The following DLG2 variants were observed in gnomAD, a reference collection of about 807,000 sequenced individuals.
The protein encoded by DLG2 is discs large MAGUK scaffold protein 2, also known as disks large homolog 2.
Under a neutral mutation model 132.5 loss-of-function variants are expected in DLG2, and 45 were observed. The observed-to-expected ratio is 0.34, with a 90% CI of 0.27 to 0.44. DLG2 has a LOEUF of 0.44. DLG2 is among the 20% of genes least tolerant of loss of function. The probability of loss-of-function intolerance (pLI) is 1.00; values close to 1 mark genes in which losing one functional copy is unlikely to be tolerated. For synonymous variants in DLG2, 424 were observed against 419.6 expected (o/e 1.01, Z -0.13); for missense variants, 1,045 against 1,196.9 (o/e 0.87, Z 1.87).
intron 6 of DLG2, among the ~76,000 whole-genome samples, chr11:84,869,920 C>T (rs183259779): frequency 3.9e-5 from 6 of 152,262 alleles, no homozygotes; most frequent in Admixed American, 6.5e-5. Flanking sequence ...TATTCCCTTC[C>T]GTTTGGCAGA....
chr11:84,062,667 C>T (rs1029434130), intron 10 of DLG2, among the ~76,000 whole-genome samples: 1 of 151,884 alleles, frequency 6.6e-6, no homozygotes, highest in South Asian at 2.1e-4. Context: ...ATAATTTCAA[C>T]CTGTTTTTAC....
At chr11:83,740,994 T>C (rs1298757972) in intron 18 of DLG2, among the ~76,000 whole-genome samples, 2 of 152,252 alleles carry the variant, frequency 1.3e-5, no homozygotes, top group Admixed American at 1.3e-4. Context: ...GCAAGTTTGG[T>C]TCAACATACC....
chr11:85,509,917 TA>T (rs1286874926), intron 3 of DLG2: 6 of 151,956 alleles, frequency 3.9e-5, no homozygotes, highest in African/African-American at 1.2e-4. Context: ...TGCTGAGATC[TA>T]AAAGACAAAG....
Position 84,287,771 on chromosome 11 carries a change from C to CAT in DLG2, c.520-36481_520-36480insAT, listed in dbSNP as rs2097926236. On this transcript the variant is annotated intron_variant, in intron 7 of 27. Transcript: ENST00000376104. ...ACACACACACACACACACACACACA[C>CAT]ACACACACAAATACTTTATTCGTCT... Among the ~76,000 whole-genome samples, 3 of 150,946 alleles carry CAT rather than the reference C, an allele frequency of 2.0e-5. No individual in the cohort carries two copies. The South Asian group carries it at 6.3e-4, about 32-fold the overall frequency.
At chr11:84,559,513 T>C (rs2099418886) in intron 6 of DLG2, among the ~76,000 whole-genome samples, 1 of 152,162 alleles carries the variant, frequency 6.6e-6, no homozygotes, top group Non-Finnish European at 1.5e-5. Flanking sequence ...AATATTTTTT[T>C]CAGCAAACAT....
chr11:83,585,377 C>T (rs531113296), intron 19 of DLG2, among the ~76,000 whole-genome samples: 1 of 152,232 alleles, frequency 6.6e-6, no homozygotes, highest in East Asian at 1.9e-4. Context: ...CTACTTTTGG[C>T]CCGTTTATAA....
chr11:83,783,612 A>G (rs2094924014), intron 18 of DLG2, among the ~76,000 whole-genome samples: 1 of 152,140 alleles, frequency 6.6e-6, no homozygotes, highest in South Asian at 2.1e-4. Flanking sequence ...CTCTTTAAGA[A>G]ATACCAAGTA....
intron 6 of DLG2, among the ~76,000 whole-genome samples, chr11:84,791,518 G>C (rs938473354): frequency 2.6e-5 from 4 of 152,128 alleles, no homozygotes; most frequent in African/African-American, 9.7e-5. Context: ...TGAATCTGTA[G>C]ATTGCTTTGG....
rs773745466 is a variant in DLG2 at position 84,924,087 on chromosome 11, A to G, written c.357+187574T>C. ...GAGAAAAATAAAAGCTTCTGCCCCT[A>G]TAAGTCCGTAAGGAAAAAAAAAAAT... On this transcript the variant is annotated intron_variant, in intron 6 of 27. Transcript: ENST00000376104. Among the ~76,000 whole-genome samples, 16 of 152,058 alleles carry G rather than the reference A, an allele frequency of 1.1e-4. No homozygotes were observed. The East Asian group carries it at 1.2e-3, about 11-fold the overall frequency.
intron 6 of DLG2, among the ~76,000 whole-genome samples, chr11:84,752,675 G>A (rs1198549683): frequency 4.2e-5 from 6 of 143,112 alleles, no homozygotes; most frequent in South Asian, 2.3e-4. Context: ...CCACTAACGC[G>A]TCATCTAGCA....
At chr11:84,502,505 C>T (rs959146628) in intron 7 of DLG2, among the ~76,000 whole-genome samples, 9 of 150,230 alleles carry the variant, frequency 6.0e-5, no homozygotes, top group Admixed American at 2.0e-4. Context: ...AAGCGATTCT[C>T]GTTATTCAGC....
intron 6 of DLG2, among the ~76,000 whole-genome samples, chr11:84,646,257 T>C (rs1001744626): frequency 2.0e-5 from 3 of 152,156 alleles, no homozygotes; most frequent in Non-Finnish European, 4.4e-5. Flanking sequence ...TTATTTAAAT[T>C]CAAATGAATC....
At chr11:83,493,545 T>C (rs2093990884) in intron 21 of DLG2, among the ~76,000 whole-genome samples, 1 of 152,128 alleles carries the variant, frequency 6.6e-6, no homozygotes, top group Non-Finnish European at 1.5e-5. Flanking sequence ...ACATATAGTA[T>C]ATACTCAATA....
Position 84,540,988 on chromosome 11 carries a change from C to CAATGAGAA in DLG2, c.358-6265_358-6258dup, listed in dbSNP as rs2099367259. Among the ~76,000 whole-genome samples, 3 of 151,970 alleles carry CAATGAGAA rather than the reference C, an allele frequency of 2.0e-5. No homozygotes were observed. The South Asian group carries it at 6.2e-4, about 32-fold the overall frequency. On this transcript the variant is annotated intron_variant, in intron 6 of 27. Transcript: ENST00000376104. The stretch of plus-strand genomic sequence containing the variant: ...TTCTCACTCATAGGTGGGAATTGAA[C>CAATGAGAA]AATGAGAACACTTGGACACAGGGTG...
intron 7 of DLG2, among the ~76,000 whole-genome samples, chr11:84,383,564 A>G (rs534308186): frequency 6.6e-6 from 1 of 152,248 alleles, no homozygotes; most frequent in African/African-American, 2.4e-5. Flanking sequence ...TTGGCCTTAA[A>G]GAAGCAACAG....
chr11:84,412,569 G>C (rs1041021729), intron 7 of DLG2, among the ~76,000 whole-genome samples: 2 of 152,194 alleles, frequency 1.3e-5, no homozygotes, highest in Non-Finnish European at 2.9e-5. Flanking sequence ...CTAAGTGACA[G>C]AGTTAGGGTA....
intron 20 of DLG2, among the ~76,000 whole-genome samples, chr11:83,539,007 G>A (rs146637314): frequency 0.025 from 3,812 of 152,208 alleles, 68 homozygotes; most frequent in Middle Eastern, 0.048. Flanking sequence ...TACTACACGG[G>A]CAATTTCAGG....
chr11:84,401,648 A>G (rs530647762), intron 7 of DLG2, among the ~76,000 whole-genome samples: 5 of 152,180 alleles, frequency 3.3e-5, no homozygotes, highest in African/African-American at 9.7e-5. Flanking sequence ...GGACCCAGCA[A>G]AAGAGTTATT....
At chr11:84,943,392 GCA>G (rs1378431386) in intron 6 of DLG2, among the ~76,000 whole-genome samples, 1 of 151,590 alleles carries the variant, frequency 6.6e-6, no homozygotes, top group Non-Finnish European at 1.5e-5. Flanking sequence ...CTGCCTTCCT[GCA>G]TTCCCACATC....
Sources: gnomAD v4.1 joint callset for allele counts (sites outside exome capture counted in the v4.1 genomes callset) on GRCh38, gnomAD v4.1.1 for gene constraint, MANE v1.5 for transcripts, NCBI Gene and HGNC (gene_info 2026-07-23, HGNC 2026-07-21) for gene names.